The following SUGP2 variants were observed in gnomAD, a reference collection of about 807,000 sequenced individuals.
SUGP2 encodes the protein SURP and G-patch domain-containing protein 2.
Under a neutral mutation model 90.5 loss-of-function variants are expected in SUGP2, and 24 were observed. The ratio of observed to expected loss-of-function variants is 0.27; its 90% CI spans 0.19 to 0.37. The LOEUF is 0.37. Ranked by LOEUF, SUGP2 falls within the 10% of genes least tolerant of loss-of-function variation. The probability of loss-of-function intolerance (pLI) is 1.00; values close to 1 mark genes in which losing one functional copy is unlikely to be tolerated. For synonymous variants in SUGP2, 473 were observed against 513.4 expected (o/e 0.92, Z 1.06); for missense variants, 1,233 against 1,363.3 (o/e 0.90, Z 1.51).
intron 5 of SUGP2, among the ~76,000 whole-genome samples, chr19:19,008,651 G>A (rs2058182940): frequency 6.6e-6 from 1 of 152,206 alleles, no homozygotes; most frequent in Non-Finnish European, 1.5e-5. Context: ...ATAGAATGTG[G>A]TGGAAAAGCC....
chr19:19,001,017 C>CTT (rs1163536301), intron 8 of SUGP2, among the ~76,000 whole-genome samples: 21 of 138,526 alleles, frequency 1.5e-4, no homozygotes, highest in African/African-American at 3.5e-4. Context: ...GCTTGAACTT[C>CTT]TTTTTTTTTT....
chr19:18,995,847 A>G (rs939903451), intron 8 of SUGP2, among the ~76,000 whole-genome samples: 7 of 152,310 alleles, frequency 4.6e-5, no homozygotes, highest in African/African-American at 1.4e-4. Context: ...TGTCTAGCAC[A>G]GAGCAGACCT....
chr19:19,030,435 A>G (rs2059110382), intron 2 of SUGP2, among the ~76,000 whole-genome samples: 1 of 152,120 alleles, frequency 6.6e-6, no homozygotes, highest in Non-Finnish European at 1.5e-5. Flanking sequence ...GGTTGCAGTG[A>G]GCCAAGAGGC....
At chr19:19,014,850 G>C (rs2058438135) in intron 4 of SUGP2, among the ~76,000 whole-genome samples, 1 of 151,852 alleles carries the variant, frequency 6.6e-6, no homozygotes, top group Non-Finnish European at 1.5e-5. Flanking sequence ...TTCAGAGAAT[G>C]TCAATGGTCA....
intron 7 of SUGP2, among the ~76,000 whole-genome samples, chr19:19,002,505 GTTTTTTT>G (rs58282570): frequency 3.3e-5 from 2 of 61,102 alleles, no homozygotes; most frequent in African/African-American, 6.4e-5. Flanking sequence ...TAGCAAGTCT[GTTTTTTT>G]TTTTTTTTTT....
intron 2 of SUGP2, among the ~76,000 whole-genome samples, chr19:19,029,887 G>A (rs2059083939): frequency 6.6e-6 from 1 of 151,834 alleles, no homozygotes; most frequent in Non-Finnish European, 1.5e-5. Context: ...AGGCCGCAGT[G>A]AGCCAAAATC....
At chr19:18,995,340 T>C (rs2145233212) in intron 8 of SUGP2, 60 bp from the exon 9 acceptor site, 1 of 1,496,796 alleles carries the variant, frequency 6.7e-7, no homozygotes, top group African/African-American at 1.4e-5. Flanking sequence ...ATCAAGGGTC[T>C]GTCCTAGGCT....
At chr19:19,001,494 A>T (rs1412419767) in intron 8 of SUGP2, 119 bp downstream of exon 8, 1 of 1,060,166 alleles carries the variant, frequency 9.4e-7, no homozygotes, top group Non-Finnish European at 1.4e-6. Context: ...TGTTTTACAC[A>T]TTAATACCTC....
chr19:18,994,335 G>A, intron 10 of SUGP2, 31 bp downstream of exon 10: 2 of 1,604,674 alleles, frequency 1.2e-6, no homozygotes, highest in Non-Finnish European at 1.7e-6. Context: ...AGCGAGGGCA[G>A]ACGGCCTTAC....
In SUGP2 at chr19:18,995,577, G is replaced by A. The variant is rs371979616; in HGVS notation, c.2992-297C>T. Among the ~76,000 whole-genome samples, 24 of 152,342 alleles carry A rather than the reference G, an allele frequency of 1.6e-4. No individual in the cohort carries two copies. In the South Asian group the frequency reaches 3.3e-3, roughly 21 times the overall value. ...GAATGGCCAGTCCCGGGGTCAAGGA[G>A]TCAGTAGGAAGGCCCTCAGCGGAAC... On this transcript the variant is annotated intron_variant, in intron 8 of 10. Coordinates refer to ENST00000452918, the MANE Select transcript of SUGP2 (RefSeq NM_001017392.5).
At chr19:18,996,529 G>T (rs957234845) in intron 8 of SUGP2, among the ~76,000 whole-genome samples, 1 of 152,038 alleles carries the variant, frequency 6.6e-6, no homozygotes, top group African/African-American at 2.4e-5. Flanking sequence ...GGAACTATAG[G>T]TATGTGCCAC....
chr19:19,014,996 T>C (rs922106051), intron 4 of SUGP2, among the ~76,000 whole-genome samples: 1 of 151,928 alleles, frequency 6.6e-6, no homozygotes, highest in African/African-American at 2.4e-5. Context: ...GGTCAGGAGA[T>C]TGAGACCATC....
chr19:19,008,241 C>G (rs2058163915), intron 6 of SUGP2, 76 bp downstream of exon 6: 1 of 1,260,964 alleles, frequency 7.9e-7, no homozygotes, highest in South Asian at 1.2e-5. Flanking sequence ...GAATTCAAAT[C>G]CAGCCTAAGC....
chr19:19,005,874 CACA>C (rs200514653), intron 6 of SUGP2, among the ~76,000 whole-genome samples: 2,696 of 72,512 alleles, frequency 0.037, 52 homozygotes, highest in Middle Eastern at 0.06. Context: ...CACACACACA[CACA>C]CACACACACA....
In SUGP2 at chr19:18,991,481, C is replaced by G. The variant is rs2057358775; in HGVS notation, c.*2260G>C. 1 of 152,298 alleles carries G rather than the reference C, an allele frequency of 6.6e-6. No individual in the cohort carries two copies. Among genetic ancestry groups the G allele is most frequent in the Non-Finnish European group, 1.5e-5 (1 of 68,100 alleles). 9.4% of individuals were successfully genotyped at this position (152,298 alleles called of 1,614,324 possible). On this transcript the variant is annotated 3_prime_UTR_variant, in exon 11 of 11. Coordinates refer to ENST00000452918, the MANE Select transcript of SUGP2 (RefSeq NM_001017392.5). ...CCAAGGACTCACAGAACCATCTCAG[C>G]TCAAACTTGGAGGAGCGGCAGGAGG... is the stretch of plus-strand genomic sequence containing the variant.
chr19:19,031,050 G>A lies in SUGP2; in HGVS notation c.22C>T (p.Gln8Ter). Reference sequence around the variant, plus strand: ...TGTAATACAGCATCAAAAGTCTCCTGTGTAATTCGTCTGGCTGCCATGTTA... The same window carrying A: ...TGTAATACAGCATCAAAAGTCTCCTATGTAATTCGTCTGGCTGCCATGTTA... MAARRITQETFDAVLQEK... is the reference protein window; with the variant it reads MAARRIT The change falls in exon 2 of 11, where the codon CAG becomes TAG. Residue 8 changes from glutamine (Q) to a stop codon, truncating the protein, a stop_gained. Coordinates refer to ENST00000452918, the MANE Select transcript of SUGP2 (RefSeq NM_001017392.5). LOFTEE classifies it high-confidence loss of function. The A allele has an allele frequency of 6.2e-7, 1 of 1,613,144 alleles. No homozygotes were observed. The highest frequency in any genetic ancestry group is 8.5e-7 in the Non-Finnish European group (1 of 1,179,832).
Position 18,995,293 on chromosome 19 carries a change from G to T in SUGP2, c.2992-13C>A, listed in dbSNP as rs747138461. The T allele has an allele frequency of 7.5e-6, 12 of 1,596,338 alleles. No homozygotes were observed. The highest frequency in any genetic ancestry group is 4.5e-5 in the East Asian group (2 of 44,758). On this transcript the variant is annotated splice_polypyrimidine_tract_variant and intron_variant, in intron 8 of 10. Coordinates refer to ENST00000452918, the MANE Select transcript of SUGP2 (RefSeq NM_001017392.5). ...AGTCCTTGGGTTTCTGAGGAGAGAGGAGAGTCCAGGCATGTGGGCCACAGG... is the reference window on the plus strand; with the variant it reads ...AGTCCTTGGGTTTCTGAGGAGAGAGTAGAGTCCAGGCATGTGGGCCACAGG...
intron 7 of SUGP2, among the ~76,000 whole-genome samples, chr19:19,002,798 C>A (rs2057896515): frequency 6.6e-6 from 1 of 151,858 alleles, no homozygotes; most frequent in Non-Finnish European, 1.5e-5. Flanking sequence ...CAGGTGTGAG[C>A]CAGCACACCC....
chr19:19,016,299 A>G (rs535943696), intron 4 of SUGP2, among the ~76,000 whole-genome samples: 45 of 152,136 alleles, frequency 3.0e-4, no homozygotes, highest in African/African-American at 1.1e-3. Context: ...GTGAGCCACC[A>G]TGCCCGGCCG....
Sources: allele counts gnomAD v4.1 joint callset (sites outside exome capture counted in the v4.1 genomes callset), GRCh38; gene constraint gnomAD v4.1.1; transcripts MANE v1.5; gene names NCBI Gene and HGNC (gene_info 2026-07-23, HGNC 2026-07-21).